Variants in MTCL1 observed in about 807,000 individuals in gnomAD.
The protein encoded by MTCL1 is microtubule crosslinking factor 1, also known as microtubule cross-linking factor 1.
A neutral mutation model predicts 141.4 loss-of-function variants in MTCL1; 79 were observed. That is an observed-to-expected ratio of 0.56 (90% CI 0.47 to 0.67). MTCL1 has a LOEUF of 0.67. Among genes scored for constraint, MTCL1 ranks in the 30% least tolerant of loss-of-function variants. The probability of loss-of-function intolerance (pLI) is 0.00; values close to 1 mark genes in which losing one functional copy is unlikely to be tolerated. For synonymous variants in MTCL1, 914 were observed against 875.8 expected (o/e 1.04, Z -0.77); for missense variants, 2,177 against 2,113.9 (o/e 1.03, Z -0.59).
chr18:8,807,386 C>T (rs1011696784), intron 11 of MTCL1, among the ~76,000 whole-genome samples: 10 of 152,196 alleles, frequency 6.6e-5, no homozygotes, highest in Admixed American at 6.5e-5. Context: ...TGACATAACT[C>T]TAGACAGGAG....
chr18:8,711,054 G>T (rs956296909), intron 1 of MTCL1, among the ~76,000 whole-genome samples: 1 of 148,166 alleles, frequency 6.7e-6, no homozygotes, highest in Non-Finnish European at 1.5e-5. Flanking sequence ...CCTACTCCTC[G>T]ACAGTCCCCA....
At chr18:8,813,784 C>G (rs886633829) in intron 12 of MTCL1, among the ~76,000 whole-genome samples, 1 of 152,126 alleles carries the variant, frequency 6.6e-6, no homozygotes, top group Admixed American at 6.5e-5. Context: ...GGTAGCTCAT[C>G]ATCTTCAGCT....
chr18:8,797,166 C>A (rs1010555979), intron 9 of MTCL1, among the ~76,000 whole-genome samples: 1 of 152,204 alleles, frequency 6.6e-6, no homozygotes, highest in Non-Finnish European at 1.5e-5. Flanking sequence ...TGAGGTCCTG[C>A]GCCATCTCAT....
intron 10 of MTCL1, among the ~76,000 whole-genome samples, chr18:8,804,723 G>A (rs1022851233): frequency 1.3e-5 from 2 of 152,178 alleles, no homozygotes; most frequent in East Asian, 1.9e-4. Flanking sequence ...AGCTGGGCAC[G>A]GTGGCTCATG....
At chr18:8,809,680 C>T (rs939353833) in intron 11 of MTCL1, 10 of 1,446,396 alleles carry the variant, frequency 6.9e-6, no homozygotes, top group Admixed American at 2.3e-5. Context: ...CATGAGACGC[C>T]GTGGAGCAAC....
chr18:8,794,136 C>A (rs929301510), intron 8 of MTCL1, among the ~76,000 whole-genome samples: 6 of 152,138 alleles, frequency 3.9e-5, no homozygotes, highest in African/African-American at 9.7e-5. Context: ...GAAAATAATT[C>A]CATATTACTT....
At chr18:8,769,487 AC>A (rs1326684873) in intron 4 of MTCL1, among the ~76,000 whole-genome samples, 1 of 152,238 alleles carries the variant, frequency 6.6e-6, no homozygotes, top group East Asian at 1.9e-4. Context: ...GCCAAAACAT[AC>A]CTAGTTTTTT....
chr18:8,790,392 G>GCAC (rs2075679010), intron 7 of MTCL1, among the ~76,000 whole-genome samples: 1 of 152,192 alleles, frequency 6.6e-6, no homozygotes, highest in Non-Finnish European at 1.5e-5. Context: ...CTTTTGGCTA[G>GCAC]CACCTAATGC....
At chr18:8,715,225 G>A (rs1328719145), upstream of MTCL1, among the ~76,000 whole-genome samples, 1 of 152,208 alleles carries the variant, frequency 6.6e-6, no homozygotes, top group African/African-American at 2.4e-5. Context: ...TTCATAGCCT[G>A]TAACATCTGT....
At chr18:8,824,511 G>A (rs16954333) in intron 14 of MTCL1, among the ~76,000 whole-genome samples, 188 bp from the exon 14 acceptor site, 18,129 of 152,202 alleles carry the variant, frequency 0.12, 1,144 homozygotes, top group Middle Eastern at 0.13. Context: ...CCAGAGCCAC[G>A]CAGAGTCCAA....
intron 4 of MTCL1, among the ~76,000 whole-genome samples, chr18:8,731,224 G>A (rs1214559522): frequency 1.3e-5 from 2 of 151,916 alleles, no homozygotes; most frequent in Non-Finnish European, 2.9e-5. Context: ...CAGCCTGGGC[G>A]ACAGAGCAAG....
intron 4 of MTCL1, among the ~76,000 whole-genome samples, chr18:8,756,666 G>T (rs1195594369): frequency 6.6e-6 from 1 of 152,048 alleles, no homozygotes; most frequent in African/African-American, 2.4e-5. Context: ...GCCTTTAAAG[G>T]TGAGGAAGAA....
chr18:8,788,605 A>T (rs1471234004), intron 7 of MTCL1, among the ~76,000 whole-genome samples: 1 of 152,206 alleles, frequency 6.6e-6, no homozygotes, highest in African/African-American at 2.4e-5. Flanking sequence ...AGCAGTTGTA[A>T]CGCTAAAGAG....
chr18:8,757,791 G>A (rs1168982687), intron 4 of MTCL1, among the ~76,000 whole-genome samples: 7 of 152,268 alleles, frequency 4.6e-5, no homozygotes, highest in Admixed American at 1.3e-4. Context: ...TTTACTATGG[G>A]TGTTAAATGC....
At chr18:8,708,045 T>C (rs912040263) in intron 1 of MTCL1, among the ~76,000 whole-genome samples, 1 of 152,242 alleles carries the variant, frequency 6.6e-6, no homozygotes, top group African/African-American at 2.4e-5. Flanking sequence ...TCACTTACTC[T>C]TAGGTAATAG....
At chr18:8,750,186 A>G (rs779794510) in intron 4 of MTCL1, among the ~76,000 whole-genome samples, 5 of 151,982 alleles carry the variant, frequency 3.3e-5, no homozygotes, top group Non-Finnish European at 2.9e-5. Flanking sequence ...AGCTGGGATT[A>G]CAGGCTCATG....
At chr18:8,789,868 G>T (rs920054468) in intron 7 of MTCL1, 1 of 262,808 alleles carries the variant, frequency 3.8e-6, no homozygotes, top group Non-Finnish European at 5.9e-6. Flanking sequence ...TTGTGTGGCA[G>T]TAGAGTAATT....
At chr18:8,806,098 T>TC (rs2076288111) in intron 10 of MTCL1, among the ~76,000 whole-genome samples, 1 of 152,150 alleles carries the variant, frequency 6.6e-6, no homozygotes, top group African/African-American at 2.4e-5. Context: ...TTGTGCCAAA[T>TC]ACTGGAAATG....
chr18:8,798,294 G>T lies in MTCL1; in HGVS notation c.2436+3G>T. 1 of 1,520,434 alleles carries T rather than the reference G, an allele frequency of 6.6e-7. No homozygotes were observed. The allele number at this position is 1,520,434 out of a possible 1,614,324, so 94.2% of individuals were successfully genotyped here. The stretch of plus-strand genomic sequence containing the variant: ...ACAGGGGACAGCCCCACAAACAGGT[G>T]GGTACCTCGACCCGAGCCTGTCGCC... On this transcript the variant is annotated splice_donor_region_variant and intron_variant, in intron 10 of 16. Transcript: ENST00000359865.
Sources: allele counts gnomAD v4.1 joint callset (sites outside exome capture counted in the v4.1 genomes callset), GRCh38; gene constraint gnomAD v4.1.1; transcripts MANE v1.5; gene names NCBI Gene and HGNC (gene_info 2026-07-23, HGNC 2026-07-21).